The following SH3RF1 variants were observed in gnomAD, a reference collection of about 807,000 sequenced individuals.
The protein encoded by SH3RF1 is SH3 domain containing ring finger 1.
SH3RF1 carries 32 observed loss-of-function variants against 74.0 expected under a neutral mutation model. That is an observed-to-expected ratio of 0.43 (90% confidence interval 0.33 to 0.58). SH3RF1 has a LOEUF of 0.58. Ranked by LOEUF, SH3RF1 falls within the 20% of genes least tolerant of loss-of-function variation. The probability of loss-of-function intolerance (pLI) is 0.05; values close to 1 mark genes in which losing one functional copy is unlikely to be tolerated. For missense variants in SH3RF1, 954 were observed against 1,130.9 expected, an observed-to-expected ratio of 0.84 and a Z score of 2.24; for synonymous variants, 396 against 439.6, an observed-to-expected ratio of 0.90 and a Z score of 1.24.
chr4:169,145,606 ATATATAT>A (rs888358404), intron 4 of SH3RF1, among the ~76,000 whole-genome samples: 4 of 139,886 alleles, frequency 2.9e-5, no homozygotes, highest in African/African-American at 1.0e-4. Flanking sequence ...TGGTCATATT[ATATATAT>A]TATATATAAT....
intron 2 of SH3RF1, among the ~76,000 whole-genome samples, chr4:169,252,206 A>G (rs17544750): frequency 0.18 from 26,746 of 152,254 alleles, 2,861 homozygotes; most frequent in Non-Finnish European, 0.25. Flanking sequence ...TCAAACAGTG[A>G]TATCAATGCA....
intron 2 of SH3RF1, among the ~76,000 whole-genome samples, chr4:169,207,599 G>T (rs1730282257): frequency 6.6e-6 from 1 of 152,148 alleles, no homozygotes; most frequent in Admixed American, 6.5e-5. Flanking sequence ...CTAGAATTCT[G>T]TCCATAGTAT....
chr4:169,151,157 A>C (rs1188526738), intron 4 of SH3RF1, among the ~76,000 whole-genome samples: 1 of 152,196 alleles, frequency 6.6e-6, no homozygotes, highest in Non-Finnish European at 1.5e-5. Context: ...ATTTATTGAA[A>C]GCGTACTACA....
intron 10 of SH3RF1, among the ~76,000 whole-genome samples, chr4:169,113,422 C>A (rs114731121): frequency 0.011 from 1,673 of 152,256 alleles, 12 homozygotes; most frequent in Non-Finnish European, 0.015. Flanking sequence ...AATTTTCAAA[C>A]ACATGACACC....
At chr4:169,156,072 A>G (rs1299828942) in intron 3 of SH3RF1, among the ~76,000 whole-genome samples, 2 of 152,234 alleles carry the variant, frequency 1.3e-5, no homozygotes, top group Admixed American at 6.5e-5. Context: ...GAAAGTAATG[A>G]CATTTCATTT....
chr4:169,153,552 T>C (rs17544267), intron 4 of SH3RF1, among the ~76,000 whole-genome samples: 3,055 of 152,266 alleles, frequency 0.02, 46 homozygotes, highest in Non-Finnish European at 0.028. Context: ...AAGAATGCCC[T>C]GTAAGACAAT....
chr4:169,146,250 G>C (rs1256732131), intron 4 of SH3RF1, among the ~76,000 whole-genome samples: 1 of 124,164 alleles, frequency 8.1e-6, no homozygotes, highest in Non-Finnish European at 1.6e-5. Flanking sequence ...TTTTTTTTGA[G>C]ACCAAGTCTC....
At chr4:169,138,359 A>T (rs1417834565) in intron 4 of SH3RF1, among the ~76,000 whole-genome samples, 4 of 152,332 alleles carry the variant, frequency 2.6e-5, no homozygotes, top group Admixed American at 6.5e-5. Flanking sequence ...TTGAAAAGCT[A>T]CTTCATCTCC....
chr4:169,118,956 A>G (rs1385239846), intron 8 of SH3RF1, among the ~76,000 whole-genome samples: 1 of 152,128 alleles, frequency 6.6e-6, no homozygotes, highest in Non-Finnish European at 1.5e-5. Flanking sequence ...GTTTTTTTCC[A>G]TATTCCAAAT....
chr4:169,142,741 G>C (rs567285354), intron 4 of SH3RF1, among the ~76,000 whole-genome samples: 1 of 152,286 alleles, frequency 6.6e-6, no homozygotes, highest in African/African-American at 2.4e-5. Flanking sequence ...AAGAATATCA[G>C]GGAATGAATG....
chr4:169,266,452 A>T (rs945698873), intron 2 of SH3RF1, among the ~76,000 whole-genome samples: 3 of 152,276 alleles, frequency 2.0e-5, no homozygotes, highest in African/African-American at 7.2e-5. Context: ...TACAATATCC[A>T]TGTGGCTTCA....
At chr4:169,231,690 C>T (rs941758950) in intron 2 of SH3RF1, among the ~76,000 whole-genome samples, 2 of 152,196 alleles carry the variant, frequency 1.3e-5, no homozygotes, top group African/African-American at 4.8e-5. Context: ...ACTCCTCCAT[C>T]CAACATAACC....
intron 2 of SH3RF1, among the ~76,000 whole-genome samples, chr4:169,239,830 G>A (rs1325871505): frequency 6.6e-6 from 1 of 152,040 alleles, no homozygotes; most frequent in East Asian, 1.9e-4. Context: ...AGACCAGCTT[G>A]GACAACATGG....
At chr4:169,201,481 G>A (rs765994151) in intron 2 of SH3RF1, among the ~76,000 whole-genome samples, 10 of 152,172 alleles carry the variant, frequency 6.6e-5, no homozygotes, top group Non-Finnish European at 1.0e-4. Context: ...AAACCAGGGA[G>A]AGTTAAAAGA....
intron 2 of SH3RF1, among the ~76,000 whole-genome samples, chr4:169,184,846 T>C (rs1734578076): frequency 6.6e-6 from 1 of 152,152 alleles, no homozygotes; most frequent in African/African-American, 2.4e-5. Flanking sequence ...GACTAAGCAG[T>C]AGAAAACAGA....
intron 5 of SH3RF1, among the ~76,000 whole-genome samples, chr4:169,135,076 T>G (rs934828467): frequency 6.6e-6 from 1 of 152,150 alleles, no homozygotes; most frequent in Non-Finnish European, 1.5e-5. Context: ...GGCTCATACT[T>G]GTAATCCCAC....
At chr4:169,196,416 C>A (rs1734812318) in intron 2 of SH3RF1, among the ~76,000 whole-genome samples, 1 of 152,210 alleles carries the variant, frequency 6.6e-6, no homozygotes, top group Non-Finnish European at 1.5e-5. Context: ...TTTCTGAGAA[C>A]CTATAGACAA....
chr4:169,165,068 T>C (rs530497651), intron 2 of SH3RF1, among the ~76,000 whole-genome samples: 1 of 152,326 alleles, frequency 6.6e-6, no homozygotes, highest in Non-Finnish European at 1.5e-5. Flanking sequence ...AGCAGGAATA[T>C]TTACTGGGAA....
chr4:169,225,139 C>T (rs2127004026), intron 2 of SH3RF1, among the ~76,000 whole-genome samples: 1 of 152,238 alleles, frequency 6.6e-6, no homozygotes. Context: ...CAGTTAATGA[C>T]CAGCTGACCC....
Sources: allele counts gnomAD v4.1 joint callset (sites outside exome capture counted in the v4.1 genomes callset), GRCh38; gene constraint gnomAD v4.1.1; transcripts MANE v1.5; gene names NCBI Gene and HGNC (gene_info 2026-07-23, HGNC 2026-07-21).